SPINK13: variants seen among roughly 807,000 people sequenced by gnomAD.
The protein encoded by SPINK13 is serine peptidase inhibitor Kazal type 13.
Under a neutral mutation model 11.0 loss-of-function variants are expected in SPINK13, and 11 were observed. That is an observed-to-expected ratio of 1.00 (90% CI 0.63 to 1.65). The LOEUF (loss-of-function observed/expected upper bound fraction) is 1.65. SPINK13 is among the 40% of genes most tolerant of loss of function. The pLI is 0.00. For missense variants in SPINK13, 113 were observed against 117.7 expected (o/e 0.96, Z 0.19); for synonymous variants, 31 against 35.6 (o/e 0.87, Z 0.46).
chr5:148,270,747 T>C (rs1397590693), intron 2 of SPINK13: 1 of 152,346 alleles, frequency 6.6e-6, no homozygotes, highest in Non-Finnish European at 1.5e-5. Context: ...ATTGAAAAAT[T>C]ATACTGGACT....
At chr5:148,281,640 A>G (rs938091414) in intron 3 of SPINK13, among the ~76,000 whole-genome samples, 2 of 152,166 alleles carry the variant, frequency 1.3e-5, no homozygotes, top group African/African-American at 4.8e-5. Flanking sequence ...TTCCAGTGAG[A>G]TAAGTCAGGT....
chr5:148,275,896 C>T lies in SPINK13; in HGVS notation c.108+1512C>T, dbSNP rs191654161. 6.8e-3 allele frequency among the ~76,000 whole-genome samples: 1,033 copies of T among 152,110 alleles called. 22 individuals are homozygous for T. Among genetic ancestry groups the T allele is most frequent in the African/African-American group, 0.024 (993 of 41,512 alleles). ...CAGGATGGTCTCAATCTCCTGACCT[C>T]GTGGTCTGCCCGCCTCCGCCTCCCA... On this transcript the variant is annotated intron_variant, in intron 3 of 4. Coordinates refer to ENST00000398450, the MANE Select transcript of SPINK13 (RefSeq NM_001040129.3).
intron 3 of SPINK13, among the ~76,000 whole-genome samples, chr5:148,275,144 C>CCCCCAACA (rs1305049172): frequency 6.6e-6 from 1 of 152,064 alleles, no homozygotes; most frequent in Non-Finnish European, 1.5e-5. Context: ...TGTCCCCGCT[C>CCCCCAACA]CCCCAACAGG....
chr5:148,280,523 G>C (rs1457661128), intron 3 of SPINK13, among the ~76,000 whole-genome samples: 2 of 152,160 alleles, frequency 1.3e-5, no homozygotes, highest in East Asian at 3.9e-4. Context: ...TTGTTAGTTT[G>C]CCTTCTAACA....
At chr5:148,276,959 T>C (rs577927553) in intron 3 of SPINK13, among the ~76,000 whole-genome samples, 2 of 152,318 alleles carry the variant, frequency 1.3e-5, no homozygotes, top group Non-Finnish European at 2.9e-5. Flanking sequence ...CCTTGAACAG[T>C]GGTTTGTAGT....
At chr5:148,284,196 TTTCC>T (rs1756559310) in intron 4 of SPINK13, among the ~76,000 whole-genome samples, 2 of 137,684 alleles carry the variant, frequency 1.5e-5, no homozygotes, top group African/African-American at 6.5e-5. Context: ...CTTCCCTTCC[TTTCC>T]TTCCTTCCTT....
At position 148,270,031 on chromosome 5, in the gene SPINK13, TG is replaced by T; in HGVS notation, c.-33-8del. ...GGGAAACTAAAAACAATCTTGGGCA[TG>T]TTCACAGGCCTTATCAAAGAAGAGT... On this transcript the variant is annotated splice_polypyrimidine_tract_variant and splice_region_variant and intron_variant, in intron 1 of 4. Coordinates refer to ENST00000398450, the MANE Select transcript of SPINK13 (RefSeq NM_001040129.3). 6.3e-7 allele frequency: 1 copy of T among 1,597,486 alleles called. No individual in the cohort carries two copies. The highest frequency in any genetic ancestry group is 8.6e-7 in the Non-Finnish European group (1 of 1,166,580).
At chr5:148,276,432 T>G (rs1756430831) in intron 3 of SPINK13, among the ~76,000 whole-genome samples, 1 of 152,236 alleles carries the variant, frequency 6.6e-6, no homozygotes, top group Non-Finnish European at 1.5e-5. Context: ...TGGTTTTAGG[T>G]CTTGCATTTA....
rs147082968 is a variant in SPINK13 at position 148,275,986 on chromosome 5, C to T, written c.108+1602C>T. ...TGTTTCCTGCCTTTTTAATGATCGC[C>T]ATTCTAACTGGTGTGAGATGGTATC... is the stretch of plus-strand genomic sequence containing the variant. On this transcript the variant is annotated intron_variant, in intron 3 of 4. Coordinates refer to ENST00000398450, the MANE Select transcript of SPINK13 (RefSeq NM_001040129.3). Among the ~76,000 whole-genome samples, 1,035 of 152,222 alleles carry T rather than the reference C, an allele frequency of 6.8e-3. 13 individuals carry two copies. Among genetic ancestry groups the T allele is most frequent in the African/African-American group, 0.02 (812 of 41,536 alleles).
intron 3 of SPINK13, among the ~76,000 whole-genome samples, chr5:148,279,920 A>G (rs1756488280): frequency 6.6e-6 from 1 of 152,180 alleles, no homozygotes. Flanking sequence ...CAAGTATACC[A>G]GTAAAATGTA....
At chr5:148,274,837 C>G (rs1459816976) in intron 3 of SPINK13, among the ~76,000 whole-genome samples, 2 of 152,012 alleles carry the variant, frequency 1.3e-5, no homozygotes. Flanking sequence ...AGATTGTCTC[C>G]CATGTAGCAC....
chr5:148,274,374 G>C lies in SPINK13; in HGVS notation c.98G>C (p.Arg33Thr). ...ATTTTCAATAAACGTGACTTCACTA[G>C]GTGGCCTAAGGTAAATTTAAATTTC... ...SGIFNKRDFTRWPKPRCKMYI... is the reference protein window; with the variant it reads ...SGIFNKRDFTTWPKPRCKMYI... The change falls in exon 3 of 5, where the codon AGG (arginine) becomes ACG (threonine). Residue 33 changes from arginine to threonine, a missense_variant. Arg to Thr is a moderately conservative substitution (Grantham distance 71, BLOSUM62 -1). Transcript: ENST00000398450. The C allele has an allele frequency of 1.9e-6, 3 of 1,611,762 alleles. No individual in the cohort carries two copies. Among genetic ancestry groups the C allele is most frequent in the Non-Finnish European group, 2.5e-6 (3 of 1,178,260 alleles).
chr5:148,281,399 C>T (rs1190443669), intron 3 of SPINK13, among the ~76,000 whole-genome samples: 1 of 152,128 alleles, frequency 6.6e-6, no homozygotes, highest in Non-Finnish European at 1.5e-5. Context: ...TGCTTGAAAC[C>T]CAGGGCCCTG....
chr5:148,280,266 C>T (rs1756492974), intron 3 of SPINK13, among the ~76,000 whole-genome samples: 1 of 152,102 alleles, frequency 6.6e-6, no homozygotes, highest in Non-Finnish European at 1.5e-5. Context: ...TATTACCCAC[C>T]TTCTGAAGCC....
At chr5:148,276,537 C>G (rs1250887938) in intron 3 of SPINK13, among the ~76,000 whole-genome samples, 31 of 152,294 alleles carry the variant, frequency 2.0e-4, no homozygotes, top group Admixed American at 2.0e-3. Context: ...TTTCCCAACA[C>G]CATTTATTAA....
rs545706699 is a variant in SPINK13 at position 148,271,762 on chromosome 5, C to T, written c.70+1620C>T. Among the ~76,000 whole-genome samples the T allele has an allele frequency of 2.6e-4, 39 of 152,210 alleles. 1 individual carries two copies. The highest frequency in any genetic ancestry group is 3.4e-3 in the Middle Eastern group (1 of 294). ...GCCTCAGCCTCCCGAGTAGCTGGCACTACAGGCGCCCGCCACCACGCCTGG... is the reference window on the plus strand; with the variant it reads ...GCCTCAGCCTCCCGAGTAGCTGGCATTACAGGCGCCCGCCACCACGCCTGG... On this transcript the variant is annotated intron_variant, in intron 2 of 4. Transcript: ENST00000398450.
At chr5:148,273,325 G>T (rs1195694998) in intron 2 of SPINK13, among the ~76,000 whole-genome samples, 1 of 151,474 alleles carries the variant, frequency 6.6e-6, no homozygotes, top group Non-Finnish European at 1.5e-5. Context: ...TTCTGTTATT[G>T]TATTTAGATT....
At chr5:148,274,235 T>C (rs926488143) in intron 2 of SPINK13, 112 bp from the exon 3 acceptor site, 13 of 649,496 alleles carry the variant, frequency 2.0e-5, no homozygotes, top group African/African-American at 7.4e-5. Context: ...TTCTTTTGTA[T>C]ATATTTTCAT....
At position 148,273,838 on chromosome 5, in the gene SPINK13, G is replaced by A. The variant is rs569160299; in HGVS notation, c.71-509G>A. On this transcript the variant is annotated intron_variant, in intron 2 of 4. Transcript: ENST00000398450. Reference sequence around the variant, plus strand: ...GGCAGCTAGTCACCCTCTGTCCCAGGCAACACCAGCACCCCTCATACAACC... The same window carrying A: ...GGCAGCTAGTCACCCTCTGTCCCAGACAACACCAGCACCCCTCATACAACC... 1.4e-4 allele frequency among the ~76,000 whole-genome samples: 21 copies of A among 152,184 alleles called. 1 individual carries two copies. In the South Asian group the frequency reaches 4.2e-3, roughly 30 times the overall value.
Sources: allele counts gnomAD v4.1 joint callset (sites outside exome capture counted in the v4.1 genomes callset), GRCh38; gene constraint gnomAD v4.1.1; transcripts MANE v1.5; gene names NCBI Gene and HGNC (gene_info 2026-07-23, HGNC 2026-07-21).